The following USP20 variants were observed in gnomAD, a reference collection of about 807,000 sequenced individuals.
USP20 encodes ubiquitin specific peptidase 20, also known as ubiquitin carboxyl-terminal hydrolase 20.
USP20 carries 80 observed loss-of-function variants against 124.2 expected under a neutral mutation model. The observed-to-expected ratio is 0.64, with a 90% CI of 0.54 to 0.78. USP20 has a LOEUF of 0.78. USP20 is among the 30% of genes least tolerant of loss of function. The probability of loss-of-function intolerance (pLI) is 0.00; values close to 1 mark genes in which losing one functional copy is unlikely to be tolerated. For synonymous variants in USP20, 481 were observed against 512.3 expected (o/e 0.94, Z 0.83); for missense variants, 1,043 against 1,244.4 (o/e 0.84, Z 2.44).
At chr9:129,863,656 G>T (rs1453538064) in intron 9 of USP20, among the ~76,000 whole-genome samples, 1 of 151,486 alleles carries the variant, frequency 6.6e-6, no homozygotes, top group Non-Finnish European at 1.5e-5. Context: ...GGAGGTGTGG[G>T]GCAGGGGAGC....
intron 1 of USP20, among the ~76,000 whole-genome samples, chr9:129,838,368 G>A (rs1194957936): frequency 6.6e-6 from 1 of 152,174 alleles, no homozygotes; most frequent in Non-Finnish European, 1.5e-5. Context: ...AGGCAGGAAA[G>A]TGGCAGTGCT....
rs1415063280 is a variant in USP20, at chr9:129,835,477, C to T, written c.-151C>T. 9 of 404,092 alleles carry T rather than the reference C, an allele frequency of 2.2e-5. No homozygotes were observed. Among genetic ancestry groups the T allele is most frequent in the Non-Finnish European group, 3.5e-5 (8 of 227,616 alleles). 25.0% of individuals were successfully genotyped at this position (404,092 alleles called of 1,614,324 possible). On this transcript the variant is annotated 5_prime_UTR_variant, in exon 1 of 26. Coordinates refer to ENST00000372429, the MANE Select transcript of USP20 (RefSeq NM_001110303.4). ...GGGGGCGCGCTTGACTGACAGGCGGCGGCGGCGCAGTTGCGAGTGCAGGTG... is the reference window on the plus strand; with the variant it reads ...GGGGGCGCGCTTGACTGACAGGCGGTGGCGGCGCAGTTGCGAGTGCAGGTG...
chr9:129,862,035 C>T (rs754213743), intron 8 of USP20, among the ~76,000 whole-genome samples: 7 of 152,080 alleles, frequency 4.6e-5, no homozygotes, highest in Non-Finnish European at 7.4e-5. Context: ...GGGAGAAATG[C>T]GATTTTCCAT....
chr9:129,878,312 TCCTCC>T, intron 22 of USP20, 21 bp from the exon 23 acceptor site: 1 of 1,551,648 alleles, frequency 6.4e-7, no homozygotes, highest in Non-Finnish European at 8.7e-7. Context: ...GCCCTCTGTC[TCCTCC>T]CGTCCCTGCC....
chr9:129,874,763 C>T lies in USP20; in HGVS notation c.1921+7C>T. 1 of 1,613,800 alleles carries T rather than the reference C, an allele frequency of 6.2e-7. No individual in the cohort carries two copies. The highest frequency in any genetic ancestry group is 8.5e-7 in the Non-Finnish European group (1 of 1,179,962). On this transcript the variant is annotated splice_region_variant and intron_variant, in intron 18 of 25. Coordinates refer to ENST00000372429, the MANE Select transcript of USP20 (RefSeq NM_001110303.4). ...CACCACGGCACGGCAGGCAGTGAGT[C>T]ATGTCCCCTCCCCTGCCGTCCCCAT...
At chr9:129,861,423 T>C in intron 7 of USP20, 120 bp from the exon 8 acceptor site, 3 of 874,388 alleles carry the variant, frequency 3.4e-6, no homozygotes, top group South Asian at 2.9e-5. Context: ...GCTTCCACCA[T>C]GTCCTCTTCT....
At chr9:129,861,904 T>G (rs1756914447) in intron 8 of USP20, among the ~76,000 whole-genome samples, 1 of 152,170 alleles carries the variant, frequency 6.6e-6, no homozygotes, top group South Asian at 2.1e-4. Context: ...TCATAGCCCT[T>G]GCAGCAAGTG....
rs762797623 is a variant in USP20, at chr9:129,863,312, A to C, written c.611+13A>C. Reference sequence around the variant, plus strand: ...GGCATAAGAAACGGTGAGCAGCTGCATCCCTAGCCTTGGGCGGTGTGTGGG... The same window carrying C: ...GGCATAAGAAACGGTGAGCAGCTGCCTCCCTAGCCTTGGGCGGTGTGTGGG... On this transcript the variant is annotated intron_variant, in intron 9 of 25. Coordinates refer to ENST00000372429, the MANE Select transcript of USP20 (RefSeq NM_001110303.4). The C allele has an allele frequency of 4.4e-5, 67 of 1,537,516 alleles. 1 individual carries two copies. The Middle Eastern group carries it at 6.7e-4, about 15-fold the overall frequency.
intron 3 of USP20, among the ~76,000 whole-genome samples, chr9:129,852,843 C>T (rs553537016): frequency 6.6e-5 from 10 of 152,202 alleles, no homozygotes; most frequent in Non-Finnish European, 1.2e-4. Context: ...TAGACAAGGC[C>T]ATTTGGGAAC....
chr9:129,858,831 G>A (rs1309615545), intron 6 of USP20, among the ~76,000 whole-genome samples: 1 of 152,196 alleles, frequency 6.6e-6, no homozygotes. Context: ...TGAGAGTAGG[G>A]CCTCCCTTGA....
At chr9:129,847,366 G>A (rs975331809) in intron 1 of USP20, among the ~76,000 whole-genome samples, 3 of 148,358 alleles carry the variant, frequency 2.0e-5, no homozygotes, top group Middle Eastern at 3.5e-3. Flanking sequence ...GCAGTGGTGC[G>A]ATCTCAGCTC....
At chr9:129,845,374 A>T (rs959256004) in intron 1 of USP20, among the ~76,000 whole-genome samples, 21 of 152,182 alleles carry the variant, frequency 1.4e-4, no homozygotes, top group African/African-American at 4.8e-4. Flanking sequence ...GGAAACTTGA[A>T]AAACCATTAA....
At chr9:129,848,494 G>A (rs1315289211) in intron 1 of USP20, among the ~76,000 whole-genome samples, 1 of 149,670 alleles carries the variant, frequency 6.7e-6, no homozygotes, top group Non-Finnish European at 1.5e-5. Context: ...TCAAGAGTGA[G>A]TCTGTTAAAT....
At chr9:129,863,573 C>T (rs773880885) in intron 9 of USP20, among the ~76,000 whole-genome samples, 2 of 152,198 alleles carry the variant, frequency 1.3e-5, no homozygotes, top group East Asian at 1.9e-4. Flanking sequence ...TTGACCCTAC[C>T]GAGCAGCCAC....
intron 10 of USP20, 61 bp from the exon 11 acceptor site, chr9:129,867,944 C>A (rs1243413071): frequency 1.9e-6 from 3 of 1,547,706 alleles, no homozygotes; most frequent in Admixed American, 1.8e-5. Flanking sequence ...AGCCACAGGG[C>A]GCTGGAGACT....
In USP20 at chr9:129,879,534, T is replaced by C. The variant is rs368124258; in HGVS notation, c.2513-39T>C. On this transcript the variant is annotated intron_variant, in intron 23 of 25. Transcript: ENST00000372429. The surrounding 1 kb of genome is among the most constrained non-coding windows in gnomAD (Gnocchi z 4.2). Reference sequence around the variant, plus strand: ...CTGCTGCTGTGGAGGGTGGAGGGCATGGCAGGGGCTGAACCCGAGCCCGCT... The same window carrying C: ...CTGCTGCTGTGGAGGGTGGAGGGCACGGCAGGGGCTGAACCCGAGCCCGCT... The C allele has an allele frequency of 2.5e-6, 4 of 1,608,364 alleles. No homozygotes were observed. The highest frequency in any genetic ancestry group is 2.7e-5 in the African/African-American group (2 of 74,838).
At position 129,839,448 on chromosome 9, in the gene USP20, C is replaced by G. The variant is rs980212341; in HGVS notation, c.-129+3949C>G. ...ATGGGGAGGCCTGAGGGCTCTGCTT[C>G]GAGAGTCAGAGGATGGTGGCCTCCG... On this transcript the variant is annotated intron_variant, in intron 1 of 25. Coordinates refer to ENST00000372429, the MANE Select transcript of USP20 (RefSeq NM_001110303.4). The surrounding 1 kb of genome is among the most constrained non-coding windows in gnomAD (Gnocchi z 4.5). Among the ~76,000 whole-genome samples, 1 of 151,994 alleles carries G rather than the reference C, an allele frequency of 6.6e-6. No homozygotes were observed. Among genetic ancestry groups the G allele is most frequent in the African/African-American group, 2.4e-5 (1 of 41,360 alleles).
At chr9:129,871,751 T>C (rs2034139082) in intron 15 of USP20, among the ~76,000 whole-genome samples, 1 of 152,238 alleles carries the variant, frequency 6.6e-6, no homozygotes, top group East Asian at 1.9e-4. Flanking sequence ...AGTCTCTCTC[T>C]TGACGCCCAG....
chr9:129,842,373 C>T (rs1490697817), intron 1 of USP20, among the ~76,000 whole-genome samples: 2 of 152,110 alleles, frequency 1.3e-5, no homozygotes, highest in Non-Finnish European at 2.9e-5. Flanking sequence ...CTAGTGTCTG[C>T]TTGCAAGTAC....
Sources: allele counts gnomAD v4.1 joint callset (sites outside exome capture counted in the v4.1 genomes callset), GRCh38; gene constraint gnomAD v4.1.1; non-coding constraint Gnocchi (gnomAD v3.1); transcripts MANE v1.5; gene names NCBI Gene and HGNC (gene_info 2026-07-23, HGNC 2026-07-21).